Variants in BRF1 observed in about 807,000 individuals in gnomAD.
The protein encoded by BRF1 is BRF1 general transcription factor IIIB subunit.
Under a neutral mutation model 81.7 loss-of-function variants are expected in BRF1, and 59 were observed. The ratio of observed to expected loss-of-function variants is 0.72; its 90% CI spans 0.59 to 0.90. The LOEUF (loss-of-function observed/expected upper bound fraction) is 0.90. Ranked by LOEUF, BRF1 falls within the 40% of genes least tolerant of loss-of-function variation. BRF1 has a pLI of 0.00. For synonymous variants in BRF1, 491 were observed against 395.6 expected (o/e 1.24, Z -2.86); for missense variants, 1,050 against 936.3 (o/e 1.12, Z -1.58).
At chr14:105,298,105 C>T (rs1006443671) in intron 1 of BRF1, among the ~76,000 whole-genome samples, 3 of 152,196 alleles carry the variant, frequency 2.0e-5, no homozygotes, top group South Asian at 2.1e-4. Flanking sequence ...TCAGATTTTT[C>T]GATTAGGGAT....
In BRF1 at chr14:105,217,790, G is replaced by C; in HGVS notation, c.1526C>G (p.Ser509Cys). The C allele has an allele frequency of 6.2e-7, 1 of 1,611,456 alleles. No individual in the cohort carries two copies. Among genetic ancestry groups the C allele is most frequent in the African/African-American group, 1.3e-5 (1 of 75,044 alleles). ...CTGAATTGGCTCCCGTCGCTTGCAA[G>C]ACTTCTTGGGCTTGAGGGAAACAAG... ...GIYKEHKPKK[S>C]CKRREPIQAS... The change falls in exon 15 of 18, where the codon TCT becomes TGT. Residue 509 changes from serine to cysteine, a missense_variant. Physicochemically the swap from Ser to Cys is moderately radical, Grantham distance 112. Around this residue, in one of 2 missense-constraint regions of BRF1, gnomAD observed 1,043 missense variants for 915.4 expected, o/e 1.14. Coordinates refer to ENST00000547530, the MANE Select transcript of BRF1 (RefSeq NM_001519.4).
chr14:105,229,466 G>A (rs2054362458), intron 6 of BRF1, among the ~76,000 whole-genome samples: 1 of 152,224 alleles, frequency 6.6e-6, no homozygotes, highest in Non-Finnish European at 1.5e-5. Context: ...CGAGGGTAAG[G>A]GCCCGGATGA....
intron 5 of BRF1, chr14:105,246,858 C>T (rs764387052): frequency 8.1e-6 from 8 of 985,508 alleles, no homozygotes; most frequent in Non-Finnish European, 9.6e-6. Flanking sequence ...GATCAAGACG[C>T]TGACTACCTC....
Position 105,300,529 on chromosome 14 carries a change from T to C in BRF1, c.101A>G (p.Asp34Gly), listed in dbSNP as rs1415437840. The change falls in exon 1 of 18, where the codon GAC becomes GGC. Residue 34 changes from aspartate (D) to glycine (G), a missense_variant. Around this residue, in one of 2 missense-constraint regions of BRF1, gnomAD observed 1,043 missense variants for 915.4 expected, o/e 1.14. Coordinates refer to ENST00000547530, the MANE Select transcript of BRF1 (RefSeq NM_001519.4). ...VCTACGSVLE[D>G]NIIVSEVQFV... ...CTGCACCTCGGACACGATGATGTTGTCCTCCAGCACTGAGCCGCAGGCGGT... is the reference window on the plus strand; with the variant it reads ...CTGCACCTCGGACACGATGATGTTGCCCTCCAGCACTGAGCCGCAGGCGGT... The C allele has an allele frequency of 6.5e-7, 1 of 1,537,584 alleles. No homozygotes were observed. The highest frequency in any genetic ancestry group is 8.7e-7 in the Non-Finnish European group (1 of 1,144,670).
rs370016571 is a variant in BRF1 at position 105,278,142 on chromosome 14, A to G, written c.266-5248T>C. ...GCGAGTCTCCTTAGACTTCCTTCCA[A>G]CAAATGAATTCTAAAAGTAAACTCA... On this transcript the variant is annotated intron_variant, in intron 2 of 17. Transcript: ENST00000547530. Among the ~76,000 whole-genome samples the G allele has an allele frequency of 2.0e-4, 30 of 152,282 alleles. No individual in the cohort carries two copies. In the South Asian group the frequency reaches 4.6e-3, roughly 23 times the overall value.
chr14:105,314,364 G>A, intron 1 of BRF1: 1 of 152,044 alleles, frequency 6.6e-6, no homozygotes, highest in Non-Finnish European at 1.5e-5. Context: ...GCATCGCCAG[G>A]GCGACGATGA....
At chr14:105,290,589 G>A (rs373684072) in intron 1 of BRF1, among the ~76,000 whole-genome samples, 7 of 152,028 alleles carry the variant, frequency 4.6e-5, no homozygotes, top group South Asian at 2.1e-4. Flanking sequence ...TGATGATTTC[G>A]ATTCTGGTTG....
At chr14:105,288,809 G>C (rs1204313228) in intron 1 of BRF1, among the ~76,000 whole-genome samples, 2 of 151,276 alleles carry the variant, frequency 1.3e-5, no homozygotes, top group African/African-American at 4.9e-5. Flanking sequence ...AATTTTTTGT[G>C]TTTTTAGTAG....
At position 105,250,498 on chromosome 14, in the gene BRF1, C is replaced by A. The variant is rs765156467; in HGVS notation, c.544+2009G>T. The A allele has an allele frequency of 4.3e-6, 7 of 1,613,910 alleles. No homozygotes were observed. In the Admixed American group the frequency reaches 1.2e-4, roughly 27 times the overall value. Reference sequence around the variant, plus strand: ...ACCCGGTCCAGGTTGAACAAGACACCTTCTACACGGCCAGTGCCGTCCTGG... The same window carrying A: ...ACCCGGTCCAGGTTGAACAAGACACATTCTACACGGCCAGTGCCGTCCTGG... On this transcript the variant is annotated intron_variant, in intron 5 of 17. Transcript: ENST00000547530.
At chr14:105,249,784 C>A in intron 5 of BRF1, 1 of 1,613,876 alleles carries the variant, frequency 6.2e-7, no homozygotes, top group Non-Finnish European at 8.5e-7. Context: ...ACGCCTGCGT[C>A]CTGCTGTCCC....
chr14:105,256,634 C>T (rs2055888259), intron 3 of BRF1, 85 bp from the exon 4 acceptor site: 5 of 1,562,310 alleles, frequency 3.2e-6, no homozygotes, highest in African/African-American at 1.4e-5. Flanking sequence ...CGCAGGACTG[C>T]ACCTGCAGGG....
chr14:105,262,944 A>T (rs974241000), intron 3 of BRF1, among the ~76,000 whole-genome samples: 8 of 142,730 alleles, frequency 5.6e-5, no homozygotes, highest in African/African-American at 1.3e-4. Context: ...ATCTCCATTT[A>T]AAAAAAAAAA....
intron 5 of BRF1, chr14:105,247,416 G>A: frequency 1.0e-6 from 1 of 985,444 alleles, no homozygotes; most frequent in Non-Finnish European, 1.2e-6. Flanking sequence ...CTGGGCCATT[G>A]CATGGTGTCT....
intron 15 of BRF1, among the ~76,000 whole-genome samples, chr14:105,215,920 A>G (rs7155249): frequency 0.31 from 40,037 of 130,912 alleles, 8,382 homozygotes; most frequent in African/African-American, 0.56. Flanking sequence ...GCATACGCAG[A>G]CAGGCACACA....
Position 105,209,498 on chromosome 14 carries a change from A to T in BRF1, c.*1053T>A. The T allele has an allele frequency of 1.4e-6, 1 of 701,630 alleles. No homozygotes were observed. The highest frequency in any genetic ancestry group is 2.6e-6 in the Non-Finnish European group (1 of 384,418). The allele number at this position is 701,630 out of a possible 1,614,324, so 43.5% of individuals were successfully genotyped here. A position where few individuals can be genotyped will look rare whatever the true frequency, so the allele number is the denominator to read the frequency against. ...GGTCAGTGAGGCACGGCTCTGCCTC[A>T]AGGCCACCCCCTCCTAAGGACACAG... On this transcript the variant is annotated 3_prime_UTR_variant, in exon 18 of 18. Coordinates refer to ENST00000547530, the MANE Select transcript of BRF1 (RefSeq NM_001519.4).
At position 105,221,792 on chromosome 14, in the gene BRF1, C is replaced by T. The variant is rs373909035; in HGVS notation, c.1171G>A (p.Gly391Ser). 1.7e-5 allele frequency: 28 copies of T among 1,611,770 alleles called. No homozygotes were observed. In the African/African-American group the frequency reaches 2.3e-4, roughly 13 times the overall value. Residue 391 changes from glycine (G) to serine (S), a missense_variant, in exon 11 of 18, where the codon GGC becomes AGC. Gly to Ser is a moderately conservative substitution (Grantham distance 56). This residue lies in a region of BRF1 where 1,043 missense variants were observed against 915.4 expected (regional missense o/e 1.14). Transcript: ENST00000547530. The stretch of plus-strand genomic sequence containing the variant: ...GGGCTTCCTGCTGCTTCCGAGCTGC[C>T]GGGGGCACCACCAAGGAGCTCCCGG... Reference protein sequence around the residue: ...LYRELLGGAPGSSEAAGSPEW... With the variant: ...LYRELLGGAPSSSEAAGSPEW...
At chr14:105,250,098 A>G (rs1463376788) in intron 5 of BRF1, 2 of 1,612,990 alleles carry the variant, frequency 1.2e-6, no homozygotes, top group South Asian at 1.1e-5. Flanking sequence ...GAGTTTGCCA[A>G]CGGCGCTGCC....
chr14:105,260,983 C>T (rs1210094074), intron 3 of BRF1, among the ~76,000 whole-genome samples: 10 of 152,260 alleles, frequency 6.6e-5, no homozygotes, highest in Non-Finnish European at 1.5e-5. Context: ...GGAGGTTCTC[C>T]TGTGTCCAGC....
intron 3 of BRF1, among the ~76,000 whole-genome samples, chr14:105,263,653 C>T (rs2816616): frequency 0.28 from 42,711 of 151,896 alleles, 6,205 homozygotes; most frequent in Middle Eastern, 0.31. Context: ...CGGCCGGGCG[C>T]GATGGCTCAC....
Sources: allele counts gnomAD v4.1 joint callset (sites outside exome capture counted in the v4.1 genomes callset), GRCh38; gene constraint gnomAD v4.1.1; regional missense constraint gnomAD v4.1.1; transcripts MANE v1.5; gene names NCBI Gene and HGNC (gene_info 2026-07-23, HGNC 2026-07-21).